Variants in NIPBL observed in about 807,000 individuals in gnomAD.
The protein encoded by NIPBL is NIPBL cohesin loading factor.
NIPBL carries 19 observed loss-of-function variants against 321.8 expected under a neutral mutation model. The observed-to-expected ratio is 0.06, with a 90% CI of 0.04 to 0.09. The LOEUF is 0.09. Among genes scored for constraint, NIPBL ranks in the 10% least tolerant of loss-of-function variants. NIPBL has a pLI of 1.00. For missense variants in NIPBL, 2,210 were observed against 3,327.0 expected (o/e 0.66, Z 8.26); for synonymous variants, 1,106 against 1,114.1 (o/e 0.99, Z 0.14).
chr5:37,007,267 T>G, intron 17 of NIPBL, 56 bp from the exon 18 acceptor site: 1 of 1,474,550 alleles, frequency 6.8e-7, no homozygotes, highest in Non-Finnish European at 9.4e-7. Context: ...GAGTACTGTT[T>G]ATTAAAAATT....
rs115006453 is a variant in NIPBL at position 36,938,875 on chromosome 5, T to C, written c.-79-14743T>C. 8.2e-3 allele frequency among the ~76,000 whole-genome samples: 1,243 copies of C among 152,278 alleles called. 12 individuals carry two copies. The highest frequency in any genetic ancestry group is 0.028 in the African/African-American group (1,181 of 41,544). ...AGCTGGATATGTACTGTTGTGTGCGTGTACAGCAGGTGTGTGTGTGTACAG... is the reference window on the plus strand; with the variant it reads ...AGCTGGATATGTACTGTTGTGTGCGCGTACAGCAGGTGTGTGTGTGTACAG... On this transcript the variant is annotated intron_variant, in intron 1 of 46. Coordinates refer to ENST00000282516, the MANE Select transcript of NIPBL (RefSeq NM_133433.4).
rs188541 is a variant in NIPBL at position 37,061,159 on chromosome 5, A to G, written c.7860+141A>G. ...TATCAAGATAATTTTTCTCTATCTTATTTTAATGAGTTACTTTAAGCTTGT... is the reference window on the plus strand; with the variant it reads ...TATCAAGATAATTTTTCTCTATCTTGTTTTAATGAGTTACTTTAAGCTTGT... On this transcript the variant is annotated intron_variant, in intron 45 of 46. Coordinates refer to ENST00000282516, the MANE Select transcript of NIPBL (RefSeq NM_133433.4). The G allele has an allele frequency of 0.5, 330,264 of 658,796 alleles. 87,108 individuals are homozygous for G. The highest frequency in any genetic ancestry group is 0.82 in the African/African-American group (45,149 of 54,990). 40.8% of individuals were successfully genotyped at this position (658,796 alleles called of 1,614,324 possible). A position where few individuals can be genotyped will look rare whatever the true frequency, so the allele number is the denominator to read the frequency against.
chr5:36,943,621 G>C (rs142475508), intron 1 of NIPBL, among the ~76,000 whole-genome samples: 239 of 152,216 alleles, frequency 1.6e-3, no homozygotes, highest in Non-Finnish European at 2.7e-3. Flanking sequence ...ATATTGATTA[G>C]ATAATTGGAT....
At chr5:36,984,248 C>G (rs1275629413) in intron 9 of NIPBL, among the ~76,000 whole-genome samples, 19 of 151,652 alleles carry the variant, frequency 1.3e-4, no homozygotes. Flanking sequence ...ATTTGGAGCT[C>G]TTTATGGTTT....
At chr5:36,999,598 T>C (rs996898851) in intron 11 of NIPBL, among the ~76,000 whole-genome samples, 2 of 152,210 alleles carry the variant, frequency 1.3e-5, no homozygotes, top group African/African-American at 4.8e-5. Context: ...ATGTGTTAGA[T>C]GAAATCTGTT....
At chr5:36,914,681 C>T (rs946930040) in intron 1 of NIPBL, among the ~76,000 whole-genome samples, 1 of 152,218 alleles carries the variant, frequency 6.6e-6, no homozygotes, top group Non-Finnish European at 1.5e-5. Flanking sequence ...TGAAACACTT[C>T]TGGTTCCAAG....
chr5:37,011,570 A>G (rs1748131707), intron 21 of NIPBL, among the ~76,000 whole-genome samples: 1 of 151,956 alleles, frequency 6.6e-6, no homozygotes, highest in South Asian at 2.1e-4. Flanking sequence ...GAATGAATGA[A>G]AGAAAGAAAG....
At chr5:37,037,758 C>T (rs1751875423) in intron 33 of NIPBL, among the ~76,000 whole-genome samples, 1 of 149,250 alleles carries the variant, frequency 6.7e-6, no homozygotes, top group African/African-American at 2.5e-5. Context: ...TTGCTAATTT[C>T]CTCTAAAAAT....
At chr5:37,037,204 A>G (rs991505128) in intron 33 of NIPBL, among the ~76,000 whole-genome samples, 2 of 151,318 alleles carry the variant, frequency 1.3e-5, no homozygotes, top group Non-Finnish European at 2.9e-5. Flanking sequence ...TGGCTAACAC[A>G]ATGAAACCCC....
chr5:37,046,426 T>A (rs2149734139), intron 38 of NIPBL, among the ~76,000 whole-genome samples: 1 of 152,366 alleles, frequency 6.6e-6, no homozygotes, highest in South Asian at 2.1e-4. Flanking sequence ...CATCAGTTTC[T>A]TCATTAGTAA....
At position 36,885,100 on chromosome 5, in the gene NIPBL, T is replaced by A. The variant is rs561202950; in HGVS notation, c.-80+7922T>A. The A allele has an allele frequency of 3.7e-5, 11 of 298,032 alleles. No homozygotes were observed. The East Asian group carries it at 1.2e-3, about 32-fold the overall frequency. 18.5% of individuals were successfully genotyped at this position (298,032 alleles called of 1,614,324 possible). A position where few individuals can be genotyped will look rare whatever the true frequency, so the allele number is the denominator to read the frequency against. On this transcript the variant is annotated intron_variant, in intron 1 of 46. Coordinates refer to ENST00000282516, the MANE Select transcript of NIPBL (RefSeq NM_133433.4). ...TTTTTGCCAATTTAAGTATTATATA[T>A]AATCAGATAAGTTAAATAATGAGAA...
intron 29 of NIPBL, among the ~76,000 whole-genome samples, 197 bp from the exon 30 acceptor site, chr5:37,024,388 A>G (rs1750022696): frequency 6.6e-6 from 1 of 151,518 alleles, no homozygotes; most frequent in African/African-American, 2.4e-5. Flanking sequence ...TGTCTTAGAT[A>G]TCATACTTTA....
intron 8 of NIPBL, among the ~76,000 whole-genome samples, chr5:36,975,170 T>C (rs749541346): frequency 5.9e-5 from 9 of 152,026 alleles, no homozygotes; most frequent in Admixed American, 3.3e-4. Context: ...ATGTGAATGA[T>C]GTTAAGGGAG....
At chr5:36,973,669 C>A (rs970496876) in intron 8 of NIPBL, among the ~76,000 whole-genome samples, 1 of 152,094 alleles carries the variant, frequency 6.6e-6, no homozygotes, top group Non-Finnish European at 1.5e-5. Flanking sequence ...CAGGGTTTCA[C>A]CATGTTGGTC....
intron 6 of NIPBL, among the ~76,000 whole-genome samples, chr5:36,964,966 A>G (rs955708282): frequency 8.5e-5 from 13 of 152,192 alleles, no homozygotes; most frequent in Admixed American, 4.6e-4. Flanking sequence ...ACAAACAAAA[A>G]GCACAGTGAA....
chr5:36,946,206 A>T (rs1386973076), intron 1 of NIPBL, among the ~76,000 whole-genome samples: 1 of 151,972 alleles, frequency 6.6e-6, no homozygotes, highest in African/African-American at 2.4e-5. Flanking sequence ...AAGTGGTGGC[A>T]GGGCAATTCT....
intron 23 of NIPBL, among the ~76,000 whole-genome samples, chr5:37,016,697 C>G (rs569203222): frequency 6.6e-6 from 1 of 152,190 alleles, no homozygotes; most frequent in Non-Finnish European, 1.5e-5. Context: ...ACTATAATAA[C>G]TTTTCATAGG....
chr5:37,057,783 A>G (rs1419979077), intron 43 of NIPBL, among the ~76,000 whole-genome samples: 2 of 152,194 alleles, frequency 1.3e-5, no homozygotes, highest in Admixed American at 1.3e-4. Flanking sequence ...TAGAGTTTGC[A>G]TATGTGTGCC....
At chr5:37,002,304 T>G (rs986373695) in intron 14 of NIPBL, among the ~76,000 whole-genome samples, 8 of 152,148 alleles carry the variant, frequency 5.3e-5, no homozygotes, top group African/African-American at 1.4e-4. Flanking sequence ...CTCTTTGATC[T>G]TCTAACAGGG....
Sources: gnomAD v4.1 joint callset for allele counts (sites outside exome capture counted in the v4.1 genomes callset) on GRCh38, gnomAD v4.1.1 for gene constraint, MANE v1.5 for transcripts, NCBI Gene and HGNC (gene_info 2026-07-23, HGNC 2026-07-21) for gene names.